The following FGD5 variants were observed in gnomAD, a reference collection of about 807,000 sequenced individuals.
The protein encoded by FGD5 is FYVE, RhoGEF and PH domain containing 5, also known as FYVE, RhoGEF and PH domain-containing protein 5.
A neutral mutation model predicts 133.4 loss-of-function variants in FGD5; 28 were observed. That is an observed-to-expected ratio of 0.21 (90% confidence interval 0.16 to 0.29). The LOEUF is 0.29. FGD5 is among the 10% of genes least tolerant of loss of function. The probability of loss-of-function intolerance (pLI) is 1.00; values close to 1 mark genes in which losing one functional copy is unlikely to be tolerated. For missense variants in FGD5, 1,858 were observed against 1,895.2 expected (o/e 0.98, Z 0.36); for synonymous variants, 810 against 776.5 (o/e 1.04, Z -0.72).
Position 14,819,779 on chromosome 3 carries a change from C to T in FGD5, c.708C>T (p.Asp236=), listed in dbSNP as rs756307673. The T allele has an allele frequency of 1.9e-6, 3 of 1,556,204 alleles. No homozygotes were observed. The highest frequency in any genetic ancestry group is 2.6e-6 in the Non-Finnish European group (3 of 1,150,448). ...GGGCAGATGAGGGTTCGGGTCCTGA[C>T]AGGCCCACGGAGGACATGGGACAGG... The part of the protein sequence containing the change: ...PAGADEGSGP[D]RPTEDMGQDA... Residue 236 remains aspartate (D), a synonymous_variant, in exon 1 of 20, where the codon GAC becomes GAT. Transcript: ENST00000285046. The surrounding 1 kb of genome is among the most constrained non-coding windows in gnomAD (Gnocchi z 4.1).
chr3:14,918,663 T>C (rs293916), intron 12 of FGD5, 91 bp from the exon 13 acceptor site: 1,164,150 of 1,302,124 alleles, frequency 0.89, 520,799 homozygotes, highest in African/African-American at 0.97. Flanking sequence ...TAGGTGGACA[T>C]GGTCCCTCTG....
intron 1 of FGD5, among the ~76,000 whole-genome samples, chr3:14,823,770 A>C (rs1482562162): frequency 6.6e-6 from 1 of 152,204 alleles, no homozygotes; most frequent in Non-Finnish European, 1.5e-5. Flanking sequence ...CCTTTCATCT[A>C]TGTATGGTGC....
chr3:14,883,334 A>G (rs1280537797), intron 4 of FGD5, among the ~76,000 whole-genome samples: 1 of 152,196 alleles, frequency 6.6e-6, no homozygotes, highest in Non-Finnish European at 1.5e-5. Flanking sequence ...TTCTGGTTTA[A>G]CGGCTGCCTT....
intron 2 of FGD5, among the ~76,000 whole-genome samples, chr3:14,871,487 G>A (rs374679704): frequency 6.6e-6 from 1 of 152,194 alleles, no homozygotes; most frequent in African/African-American, 2.4e-5. Flanking sequence ...CTGCATTTTT[G>A]ATATTCCTGT....
chr3:14,814,721 G>T (rs1299180431), upstream of FGD5, among the ~76,000 whole-genome samples: 1 of 152,138 alleles, frequency 6.6e-6, no homozygotes, highest in Admixed American at 6.5e-5. Context: ...ATCTCCAGCT[G>T]CTTGACATCT....
At chr3:14,910,308 C>T (rs541220168) in intron 10 of FGD5, among the ~76,000 whole-genome samples, 38 of 152,314 alleles carry the variant, frequency 2.5e-4, no homozygotes, top group East Asian at 9.6e-4. Flanking sequence ...GGCACCCGCA[C>T]GCATCTCCTT....
At chr3:14,930,521 C>T (rs2038884619) in intron 18 of FGD5, among the ~76,000 whole-genome samples, 1 of 151,802 alleles carries the variant, frequency 6.6e-6, no homozygotes, top group African/African-American at 2.4e-5. Flanking sequence ...CGCTTGAACA[C>T]AGCAAGCAGA....
intron 2 of FGD5, among the ~76,000 whole-genome samples, chr3:14,871,853 T>C (rs1003651451): frequency 6.6e-6 from 1 of 152,246 alleles, no homozygotes; most frequent in African/African-American, 2.4e-5. Context: ...CAGATGATAC[T>C]CAGTCTTGCT....
chr3:14,892,179 T>C (rs959761236), intron 4 of FGD5, among the ~76,000 whole-genome samples: 1 of 151,928 alleles, frequency 6.6e-6, no homozygotes, highest in Non-Finnish European at 1.5e-5. Context: ...TTTCAATCCT[T>C]ATATACAAAA....
At chr3:14,875,716 A>T (rs2037704328) in intron 2 of FGD5, among the ~76,000 whole-genome samples, 1 of 152,118 alleles carries the variant, frequency 6.6e-6, no homozygotes. Flanking sequence ...TGGGTCCAAG[A>T]TGAGGGATGG....
Position 14,844,255 on chromosome 3 carries a change from TATATA to T in FGD5, c.2526-19872_2526-19868del, listed in dbSNP as rs1184903168. Among the ~76,000 whole-genome samples the T allele has an allele frequency of 3.8e-4, 25 of 65,968 alleles. 2 individuals carry two copies. The highest frequency in any genetic ancestry group is 5.5e-4 in the Non-Finnish European group (19 of 34,248). 43.3% of individuals were successfully genotyped at this position (65,968 alleles called of 152,430 possible). A position where few individuals can be genotyped will look rare whatever the true frequency, so the allele number is the denominator to read the frequency against. ...ATATATATATATATATATATATATA[TATATA>T]TATATATATATAATGCAGGTTTCCA... On this transcript the variant is annotated intron_variant, in intron 1 of 19. Transcript: ENST00000285046.
At chr3:14,930,471 CCT>C (rs2038883990) in intron 18 of FGD5, among the ~76,000 whole-genome samples, 1 of 152,082 alleles carries the variant, frequency 6.6e-6, no homozygotes, top group Admixed American at 6.6e-5. Flanking sequence ...GTGGTGCATA[CCT>C]GTAATTCCAG....
intron 4 of FGD5, among the ~76,000 whole-genome samples, chr3:14,894,523 T>TTA (rs1553629347): frequency 8.0e-6 from 1 of 124,592 alleles, no homozygotes; most frequent in African/African-American, 3.0e-5. Context: ...TTTTTTTTTT[T>TTA]TTCCTTTTTT....
Position 14,901,007 on chromosome 3 carries a change from A to G in FGD5, c.3210A>G (p.Ala1070=), listed in dbSNP as rs2038228158. 3.1e-6 allele frequency: 5 copies of G among 1,613,968 alleles called. No homozygotes were observed. The African/African-American group carries it at 4.0e-5, about 13-fold the overall frequency. The change falls in exon 9 of 20, where the codon GCA becomes GCG. Residue 1070 remains alanine (A), a synonymous_variant. Transcript: ENST00000285046. ...DSAEYDNTQG[A]LSLISKVTDR... ...CTGCTCTGTGTCCCTCCCCAGGTGC[A>G]CTGAGCCTCATCTCCAAAGTCACAG... is the stretch of plus-strand genomic sequence containing the variant.
intron 4 of FGD5, among the ~76,000 whole-genome samples, chr3:14,882,893 C>T (rs9817466): frequency 1.3e-5 from 2 of 152,098 alleles, no homozygotes; most frequent in South Asian, 2.1e-4. Flanking sequence ...TCCCTGGCTT[C>T]GAATCTATCC....
chr3:14,840,588 C>T (rs1050730673), intron 1 of FGD5, among the ~76,000 whole-genome samples: 4 of 152,130 alleles, frequency 2.6e-5, no homozygotes, highest in Middle Eastern at 3.4e-3. Flanking sequence ...CACTCCCGTT[C>T]TTTTTAATGA....
rs1346608994 is a variant in FGD5, at chr3:14,917,579, G to T, written c.3489+247G>T. Among the ~76,000 whole-genome samples the T allele has an allele frequency of 6.6e-6, 1 of 152,096 alleles. No homozygotes were observed. On this transcript the variant is annotated intron_variant, in intron 12 of 19. Coordinates refer to ENST00000285046, the MANE Select transcript of FGD5 (RefSeq NM_152536.4). This position sits in a 1 kb window ranked among gnomAD's most constrained non-coding sequence, Gnocchi z 4.1. ...ATATTTGGTCGGATCAGGAAGGAAGGGAAGGAGGGGCATCCTATGAGGAGG... is the reference window on the plus strand; with the variant it reads ...ATATTTGGTCGGATCAGGAAGGAAGTGAAGGAGGGGCATCCTATGAGGAGG...
chr3:14,819,516 G>T lies in FGD5; in HGVS notation c.445G>T (p.Gly149Cys). The change falls in exon 1 of 20, where the codon GGC becomes TGC. Residue 149 changes from glycine to cysteine, a missense_variant. Coordinates refer to ENST00000285046, the MANE Select transcript of FGD5 (RefSeq NM_152536.4). The surrounding 1 kb of genome is among the most constrained non-coding windows in gnomAD (Gnocchi z 4.1). ...TDLALEDEGE[G>C]CADEPGTLEQ... The stretch of plus-strand genomic sequence containing the variant: ...CCTTGCTCTTGAGGATGAAGGGGAG[G>T]GCTGCGCTGATGAGCCAGGGACACT... The T allele has an allele frequency of 6.4e-7, 1 of 1,551,454 alleles. No individual in the cohort carries two copies. Among genetic ancestry groups the T allele is most frequent in the Non-Finnish European group, 8.7e-7 (1 of 1,146,970 alleles).
chr3:14,923,670 A>G (rs569155691), intron 16 of FGD5, among the ~76,000 whole-genome samples: 54 of 152,172 alleles, frequency 3.5e-4, no homozygotes, highest in Non-Finnish European at 5.9e-4. Flanking sequence ...GTTCCCAGGA[A>G]GGAGAGCAGG....
Sources: gnomAD v4.1 joint callset for allele counts (sites outside exome capture counted in the v4.1 genomes callset) on GRCh38, gnomAD v4.1.1 for gene constraint, Gnocchi (gnomAD v3.1) non-coding constraint, MANE v1.5 for transcripts, NCBI Gene and HGNC (gene_info 2026-07-23, HGNC 2026-07-21) for gene names.